RBMS3: variants seen among roughly 807,000 people sequenced by gnomAD.
RBMS3 encodes RNA binding motif single stranded interacting protein 3, also known as RNA-binding motif, single-stranded-interacting protein 3.
Under a neutral mutation model 66.8 loss-of-function variants are expected in RBMS3, and 27 were observed. The observed-to-expected ratio is 0.40, with a 90% CI of 0.30 to 0.56. The LOEUF (loss-of-function observed/expected upper bound fraction) is 0.56. Among genes scored for constraint, RBMS3 ranks in the 20% least tolerant of loss-of-function variants. The probability of loss-of-function intolerance (pLI) is 0.40; values close to 1 mark genes in which losing one functional copy is unlikely to be tolerated. For synonymous variants in RBMS3, 188 were observed against 183.0 expected, an observed-to-expected ratio of 1.03 and a Z score of -0.22; for missense variants, 513 against 549.5, an observed-to-expected ratio of 0.93 and a Z score of 0.66.
In RBMS3 at chr3:29,321,708, A is replaced by G. The variant is rs568292708; in HGVS notation, c.75+39952A>G. ...CTTGCATTTTAACAAGAGCTCCTTC[A>G]TCAATCCAAATAATAAATTACAAGA... On this transcript the variant is annotated intron_variant, in intron 1 of 14. Coordinates refer to ENST00000383767, the MANE Select transcript of RBMS3 (RefSeq NM_001003793.3). Among the ~76,000 whole-genome samples the G allele has an allele frequency of 9.3e-4, 142 of 152,242 alleles. 2 individuals carry two copies. Among genetic ancestry groups the G allele is most frequent in the African/African-American group, 3.3e-3 (136 of 41,560 alleles).
intron 6 of RBMS3, among the ~76,000 whole-genome samples, chr3:29,860,829 A>G (rs2059193938): frequency 6.6e-6 from 1 of 152,192 alleles, no homozygotes; most frequent in African/African-American, 2.4e-5. Context: ...AGTCACCCAG[A>G]ATATCACACG....
chr3:29,686,205 T>C (rs7610368), intron 4 of RBMS3, among the ~76,000 whole-genome samples: 148,535 of 152,302 alleles, frequency 0.98, 72,446 homozygotes, highest in East Asian at 1. Flanking sequence ...CTTAACCATA[T>C]CTCTATTACT....
At chr3:29,285,389 C>T (rs1360482368) in intron 1 of RBMS3, among the ~76,000 whole-genome samples, 4 of 151,884 alleles carry the variant, frequency 2.6e-5, no homozygotes, top group Non-Finnish European at 5.9e-5. Flanking sequence ...ATTTCTCTCA[C>T]ATATATTTGG....
chr3:29,994,233 A>C (rs1027609360), intron 14 of RBMS3, among the ~76,000 whole-genome samples: 11 of 152,222 alleles, frequency 7.2e-5, no homozygotes, highest in Non-Finnish European at 1.2e-4. Context: ...GGCTTAAAAA[A>C]TGGCGCACCA....
intron 8 of RBMS3, among the ~76,000 whole-genome samples, chr3:29,889,680 T>C (rs1210219277): frequency 6.6e-6 from 1 of 151,730 alleles, no homozygotes; most frequent in Non-Finnish European, 1.5e-5. Context: ...GTCTTTTTTA[T>C]TGTGTACTTC....
At chr3:29,899,452 A>G (rs983399621) in intron 9 of RBMS3, among the ~76,000 whole-genome samples, 1 of 151,742 alleles carries the variant, frequency 6.6e-6, no homozygotes, top group African/African-American at 2.4e-5. Context: ...AATATGCTCC[A>G]AGACCCAGCC....
intron 3 of RBMS3, among the ~76,000 whole-genome samples, chr3:29,575,577 T>C (rs13066405): frequency 0.16 from 24,864 of 152,100 alleles, 2,131 homozygotes; most frequent in South Asian, 0.25. Context: ...ATTGTCCCTT[T>C]GCATAAACTT....
rs549984433 is a variant in RBMS3, at chr3:29,340,713, T to C, written c.75+58957T>C. Among the ~76,000 whole-genome samples the C allele has an allele frequency of 2.0e-4, 30 of 152,250 alleles. No homozygotes were observed. In the East Asian group the frequency reaches 5.4e-3, roughly 27 times the overall value. On this transcript the variant is annotated intron_variant, in intron 1 of 14. Transcript: ENST00000383767. ...TAAAATCCCCTAAAACCAATTCTAC[T>C]TTTTAGGAGATGTCAAATATCTTGG...
intron 1 of RBMS3, among the ~76,000 whole-genome samples, chr3:29,368,534 A>G (rs530351214): frequency 1.3e-5 from 2 of 151,934 alleles, no homozygotes; most frequent in East Asian, 3.9e-4. Context: ...TCACATCACT[A>G]CTGAAAAATG....
intron 5 of RBMS3, among the ~76,000 whole-genome samples, chr3:29,750,258 T>C (rs1176130033): frequency 6.6e-6 from 1 of 152,172 alleles, no homozygotes; most frequent in Non-Finnish European, 1.5e-5. Context: ...TCAAGAATTC[T>C]TGTTGGGATT....
At chr3:29,466,823 G>A (rs1054653868) in intron 2 of RBMS3, among the ~76,000 whole-genome samples, 1 of 151,946 alleles carries the variant, frequency 6.6e-6, no homozygotes, top group African/African-American at 2.4e-5. Context: ...GGTAATAATT[G>A]CACTATAATT....
intron 14 of RBMS3, among the ~76,000 whole-genome samples, chr3:29,995,713 G>A (rs34409143): frequency 0.28 from 42,586 of 151,540 alleles, 6,540 homozygotes; most frequent in African/African-American, 0.39. Flanking sequence ...AAACAAGCAA[G>A]TGTTGAGAGA....
At chr3:29,443,314 A>G (rs905186736) in intron 2 of RBMS3, among the ~76,000 whole-genome samples, 8 of 152,142 alleles carry the variant, frequency 5.3e-5, no homozygotes, top group African/African-American at 1.9e-4. Flanking sequence ...ATTCAAACGT[A>G]CTTATTGATT....
At chr3:29,992,918 G>A (rs1378175967) in intron 14 of RBMS3, among the ~76,000 whole-genome samples, 1 of 152,098 alleles carries the variant, frequency 6.6e-6, no homozygotes, top group Non-Finnish European at 1.5e-5. Flanking sequence ...GCAAGAATGG[G>A]GGCAAAAGTC....
intron 3 of RBMS3, among the ~76,000 whole-genome samples, chr3:29,542,504 G>A (rs2045803147): frequency 6.6e-6 from 1 of 152,124 alleles, no homozygotes; most frequent in South Asian, 2.1e-4. Flanking sequence ...GGGATTACAA[G>A]CACTTGCCGT....
At chr3:29,623,591 CAAAA>C (rs55768184) in intron 4 of RBMS3, among the ~76,000 whole-genome samples, 3 of 115,672 alleles carry the variant, frequency 2.6e-5, no homozygotes, top group Admixed American at 1.7e-4. Flanking sequence ...AAGACTGTCT[CAAAA>C]AAAAAAAAAA....
At chr3:29,763,502 G>A (rs1370828047) in intron 6 of RBMS3, among the ~76,000 whole-genome samples, 1 of 152,000 alleles carries the variant, frequency 6.6e-6, no homozygotes, top group Non-Finnish European at 1.5e-5. Context: ...ATCAGTTACT[G>A]ACAAATTGGA....
At chr3:29,567,260 G>C (rs1336481718) in intron 3 of RBMS3, among the ~76,000 whole-genome samples, 1 of 152,090 alleles carries the variant, frequency 6.6e-6, no homozygotes, top group Non-Finnish European at 1.5e-5. Context: ...CATCCTGACT[G>C]GTTCCCAAAA....
At chr3:29,696,932 C>T (rs900200652) in intron 4 of RBMS3, 4 of 983,042 alleles carry the variant, frequency 4.1e-6, no homozygotes, top group South Asian at 4.7e-5. Flanking sequence ...CTCCCCTGGT[C>T]GTTTGGGTTT....
Sources: allele counts gnomAD v4.1 joint callset (sites outside exome capture counted in the v4.1 genomes callset), GRCh38; gene constraint gnomAD v4.1.1; transcripts MANE v1.5; gene names NCBI Gene and HGNC (gene_info 2026-07-23, HGNC 2026-07-21).